PKP2: variants seen among roughly 807,000 people sequenced by gnomAD.
The protein encoded by PKP2 is plakophilin-2.
Under a neutral mutation model 83.4 loss-of-function variants are expected in PKP2, and 73 were observed. The observed-to-expected ratio is 0.88, with a 90% CI of 0.72 to 1.06. The LOEUF (loss-of-function observed/expected upper bound fraction) is 1.06, where lower values mean the gene tolerates loss of function less well. Ranked by LOEUF, PKP2 falls within the 50% of genes least tolerant of loss-of-function variation. PKP2 has a pLI of 0.00. For synonymous variants in PKP2, 409 were observed against 430.4 expected (o/e 0.95, Z 0.62); for missense variants, 966 against 1,065.4 (o/e 0.91, Z 1.30).
At position 32,802,487 on chromosome 12, in the gene PKP2, G is replaced by T; in HGVS notation, c.2083C>A (p.His695Asn). The T allele has an allele frequency of 6.2e-7, 1 of 1,613,944 alleles. No individual in the cohort carries two copies. The highest frequency in any genetic ancestry group is 8.5e-7 in the Non-Finnish European group (1 of 1,179,840). ...TTTTTCACACTTGGGTCACCAACATGCAGCATCTTTCGGGTGTGCTGCAGG... is the reference window on the plus strand; with the variant it reads ...TTTTTCACACTTGGGTCACCAACATTCAGCATCTTTCGGGTGTGCTGCAGG... Reference protein sequence around the residue: ...SGLQHTRKMLHVGDPSVKKTA... With the variant: ...SGLQHTRKMLNVGDPSVKKTA... The change falls in exon 10 of 13, where the codon CAT becomes AAT. Residue 695 changes from histidine (H) to asparagine (N), a missense_variant. Transcript: ENST00000340811.
intron 5 of PKP2, among the ~76,000 whole-genome samples, chr12:32,848,559 C>T (rs1368697834): frequency 2.0e-5 from 3 of 151,952 alleles, no homozygotes; most frequent in Admixed American, 1.3e-4. Flanking sequence ...CAAATTAATG[C>T]AAAAACAAAA....
intron 9 of PKP2, among the ~76,000 whole-genome samples, chr12:32,819,056 T>C (rs1956347567): frequency 1.3e-5 from 2 of 152,058 alleles, no homozygotes; most frequent in African/African-American, 4.8e-5. Context: ...GGCTGGTGGA[T>C]CACCTGAGGT....
Position 32,839,567 on chromosome 12 carries a change from C to A in PKP2, c.1556+1461G>T, listed in dbSNP as rs577243348. The stretch of plus-strand genomic sequence containing the variant: ...TTCTGTCCCAAAAAGGGAATACGGT[C>A]ATGGTTCCTGGTATACTTCCTTCAC... On this transcript the variant is annotated intron_variant, in intron 6 of 12. Coordinates refer to ENST00000340811, the MANE Select transcript of PKP2 (RefSeq NM_001005242.3). Among the ~76,000 whole-genome samples, 594 of 152,002 alleles carry A rather than the reference C, an allele frequency of 3.9e-3. 3 individuals are homozygous for A. Among genetic ancestry groups the A allele is most frequent in the African/African-American group, 0.014 (572 of 41,466 alleles).
chr12:32,843,751 T>A (rs1307401180), intron 5 of PKP2, among the ~76,000 whole-genome samples: 1 of 152,224 alleles, frequency 6.6e-6, no homozygotes, highest in Non-Finnish European at 1.5e-5. Flanking sequence ...TCATTCCTCC[T>A]GCTTCTCCTT....
rs544732390 is a variant in PKP2 at position 32,876,647 on chromosome 12, A to G, written c.1034+1199T>C. Among the ~76,000 whole-genome samples the G allele has an allele frequency of 1.4e-3, 211 of 152,134 alleles. 1 individual carries two copies. The highest frequency in any genetic ancestry group is 0.014 in the Middle Eastern group (4 of 294). On this transcript the variant is annotated intron_variant, in intron 3 of 12. Coordinates refer to ENST00000340811, the MANE Select transcript of PKP2 (RefSeq NM_001005242.3). ...TGGGCTCAAGTAATCCTCCCGCCTC[A>G]GCCTCTCGAGTAGTTAGGACCACAC...
rs1565581029 is a variant in PKP2 at position 32,822,616 on chromosome 12, C to T, written c.1690G>A (p.Val564Met). The T allele has an allele frequency of 1.2e-6, 2 of 1,614,114 alleles. No individual in the cohort carries two copies. The highest frequency in any genetic ancestry group is 8.5e-7 in the Non-Finnish European group (1 of 1,179,970). ...TAGGAGAGGTTATGAAGAATGCACA[C>T]ACAATTCTCCGTGGCCTGAGAAAAC... Reference protein sequence around the residue: ...QPDDKATENCVCILHNLSYQL... With the variant: ...QPDDKATENCMCILHNLSYQL... Residue 564 changes from valine (V) to methionine (M), a missense_variant, in exon 8 of 13, where the codon GTG becomes ATG. By Grantham distance (21) the Val-to-Met change is conservative. Coordinates refer to ENST00000340811, the MANE Select transcript of PKP2 (RefSeq NM_001005242.3).
intron 5 of PKP2, among the ~76,000 whole-genome samples, chr12:32,845,394 C>CA (rs944152447): frequency 3.3e-5 from 5 of 151,466 alleles, no homozygotes; most frequent in South Asian, 2.1e-4. Flanking sequence ...ACTAAAAATA[C>CA]AAAAAAAATT....
Position 32,867,632 on chromosome 12 carries a change from A to T in PKP2, c.1170+1295T>A, listed in dbSNP as rs1432631521. 2.6e-5 allele frequency among the ~76,000 whole-genome samples: 4 copies of T among 152,228 alleles called. No homozygotes were observed. The East Asian group carries it at 7.7e-4, about 29-fold the overall frequency. On this transcript the variant is annotated intron_variant, in intron 4 of 12. Coordinates refer to ENST00000340811, the MANE Select transcript of PKP2 (RefSeq NM_001005242.3). Reference sequence around the variant, plus strand: ...ATTGAAGATTTCCAAGATACGGTATAAAAAAATAAAGTATTATAAGTAGTA... The same window carrying T: ...ATTGAAGATTTCCAAGATACGGTATTAAAAAATAAAGTATTATAAGTAGTA...
At chr12:32,883,829 A>G (rs1392360425) in intron 1 of PKP2, among the ~76,000 whole-genome samples, 1 of 152,192 alleles carries the variant, frequency 6.6e-6, no homozygotes. Flanking sequence ...CATAGACTCA[A>G]ACGCTTTCAA....
At chr12:32,830,787 T>G (rs189313212) in intron 6 of PKP2, among the ~76,000 whole-genome samples, 318 of 151,964 alleles carry the variant, frequency 2.1e-3, no homozygotes, top group Admixed American at 3.8e-3. Context: ...ATGCCTGTAA[T>G]CCCAGCTACT....
At chr12:32,823,627 G>C (rs1051103259) in intron 7 of PKP2, among the ~76,000 whole-genome samples, 1 of 144,980 alleles carries the variant, frequency 6.9e-6, no homozygotes, top group Admixed American at 7.0e-5. Context: ...TTTTTTTTGA[G>C]ACAGAGTCTT....
rs1956080169 is a variant in PKP2, at chr12:32,792,628, T to C, written c.2445+16A>G. The C allele has an allele frequency of 6.2e-7, 1 of 1,607,418 alleles. No individual in the cohort carries two copies. On this transcript the variant is annotated intron_variant, in intron 12 of 12. Transcript: ENST00000340811. Reference sequence around the variant, plus strand: ...GGCTCTGTTAACTATGACACATTCCTTGTTCATGTTCTTACCTTCTTGTAG... The same window carrying C: ...GGCTCTGTTAACTATGACACATTCCCTGTTCATGTTCTTACCTTCTTGTAG...
At chr12:32,873,748 T>C (rs895860118) in intron 3 of PKP2, among the ~76,000 whole-genome samples, 2 of 152,076 alleles carry the variant, frequency 1.3e-5, no homozygotes, top group African/African-American at 4.8e-5. Context: ...CAGGCTGGTC[T>C]CAAACTCCTG....
At chr12:32,845,752 G>C (rs1455553636) in intron 5 of PKP2, among the ~76,000 whole-genome samples, 2 of 152,014 alleles carry the variant, frequency 1.3e-5, no homozygotes, top group African/African-American at 4.8e-5. Flanking sequence ...AAAGAAAACT[G>C]GTTCTTTTTA....
intron 7 of PKP2, 56 bp from the exon 8 acceptor site, chr12:32,822,687 T>G: frequency 6.4e-7 from 1 of 1,572,346 alleles, no homozygotes; most frequent in Non-Finnish European, 8.7e-7. Flanking sequence ...CTTGCAGGTG[T>G]GATATCACAG....
At chr12:32,812,185 A>G (rs1302758112) in intron 9 of PKP2, among the ~76,000 whole-genome samples, 2 of 142,022 alleles carry the variant, frequency 1.4e-5, no homozygotes, top group African/African-American at 5.3e-5. Flanking sequence ...TTTGACTGTG[A>G]CTCGTCACAT....
intron 11 of PKP2, among the ~76,000 whole-genome samples, chr12:32,793,567 CAA>C (rs1228279585): frequency 3.4e-5 from 5 of 145,484 alleles, no homozygotes; most frequent in African/African-American, 1.0e-4. Flanking sequence ...TGCTATAAAT[CAA>C]AGTCACCACT....
intron 4 of PKP2, among the ~76,000 whole-genome samples, chr12:32,859,794 T>G (rs1203064394): frequency 6.6e-6 from 1 of 151,880 alleles, no homozygotes; most frequent in African/African-American, 2.4e-5. Flanking sequence ...TAGTCTTGAT[T>G]TCAAATATAA....
intron 5 of PKP2, among the ~76,000 whole-genome samples, chr12:32,841,594 A>T (rs968393685): frequency 3.3e-5 from 5 of 152,128 alleles, no homozygotes; most frequent in Non-Finnish European, 7.4e-5. Context: ...TGTAACTAAA[A>T]CTTCAACATT....
Sources: gnomAD v4.1 joint callset for allele counts (sites outside exome capture counted in the v4.1 genomes callset) on GRCh38, gnomAD v4.1.1 for gene constraint, MANE v1.5 for transcripts, NCBI Gene and HGNC (gene_info 2026-07-23, HGNC 2026-07-21) for gene names.